Variants in DISP1 observed in about 807,000 individuals in gnomAD.
DISP1 encodes protein dispatched homolog 1.
Under a neutral mutation model 37.3 loss-of-function variants are expected in DISP1, and 30 were observed. That is an observed-to-expected ratio of 0.80 (90% CI 0.60 to 1.09). DISP1 has a LOEUF of 1.09. DISP1 is among the 50% of genes least tolerant of loss of function. The pLI is 0.00. For synonymous variants in DISP1, 634 were observed against 690.2 expected, an observed-to-expected ratio of 0.92 and a Z score of 1.28; for missense variants, 1,598 against 1,879.5, an observed-to-expected ratio of 0.85 and a Z score of 2.77.
chr1:222,943,107 G>C lies in DISP1; in HGVS notation c.284G>C (p.Ser95Thr). ...CPYHHPLTSHSSHQECHPEAG... is the reference protein window; with the variant it reads ...CPYHHPLTSHTSHQECHPEAG... ...TACCATCACCCTTTGACTAGCCATAGCAGTCACCAAGAGTGCCATCCCGAG... is the reference window on the plus strand; with the variant it reads ...TACCATCACCCTTTGACTAGCCATACCAGTCACCAAGAGTGCCATCCCGAG... Residue 95 changes from serine (S) to threonine (T), a missense_variant, in exon 3 of 9, where the codon AGC becomes ACC. Transcript: ENST00000675850. The C allele has an allele frequency of 6.2e-7, 1 of 1,614,118 alleles. No individual in the cohort carries two copies. The highest frequency in any genetic ancestry group is 8.5e-7 in the Non-Finnish European group (1 of 1,180,000).
At chr1:222,860,125 C>T (rs964328198) in intron 1 of DISP1, among the ~76,000 whole-genome samples, 3 of 152,188 alleles carry the variant, frequency 2.0e-5, no homozygotes, top group African/African-American at 7.2e-5. Context: ...GGCACGATCT[C>T]GGCTCACCAC....
chr1:222,993,068 G>T (rs1678819407), intron 7 of DISP1, among the ~76,000 whole-genome samples: 1 of 151,850 alleles, frequency 6.6e-6, no homozygotes, highest in Non-Finnish European at 1.5e-5. Context: ...CTCCATCCGT[G>T]TTGGTTAGGC....
chr1:222,979,440 AAAATT>A (rs143186996), intron 3 of DISP1, among the ~76,000 whole-genome samples: 41,799 of 151,840 alleles, frequency 0.28, 5,907 homozygotes, highest in South Asian at 0.33. Context: ...ATTTTTAAAT[AAAATT>A]AATTTATAGT....
chr1:222,854,157 A>G (rs1377036504), intron 1 of DISP1, among the ~76,000 whole-genome samples: 14 of 152,194 alleles, frequency 9.2e-5, no homozygotes. Context: ...TATTTTTTAT[A>G]ACTCTGTTTC....
At chr1:222,840,557 CTTTTTTTTT>C (rs71176702) in intron 1 of DISP1, among the ~76,000 whole-genome samples, 1 of 116,096 alleles carries the variant, frequency 8.6e-6, no homozygotes, top group African/African-American at 3.2e-5. Context: ...TACAGTATCT[CTTTTTTTTT>C]TTTTTTTTTT....
At chr1:222,923,833 G>C (rs542832074) in intron 1 of DISP1, among the ~76,000 whole-genome samples, 6 of 152,122 alleles carry the variant, frequency 3.9e-5, no homozygotes, top group Non-Finnish European at 8.8e-5. Context: ...AAAAAAAGAA[G>C]GGCAGGGAGA....
At position 223,003,474 on chromosome 1, in the gene DISP1, A is replaced by G. The variant is rs1196737438; in HGVS notation, c.2077A>G (p.Lys693Glu). The G allele has an allele frequency of 4.3e-6, 7 of 1,614,196 alleles. No homozygotes were observed. Among genetic ancestry groups the G allele is most frequent in the Admixed American group, 3.3e-5 (2 of 60,026 alleles). ...CWTVACQKCH[K>E]VLFAISEASR... is the part of the protein sequence containing the mutation. Reference sequence around the variant, plus strand: ...GACAGTGGCTTGCCAGAAGTGCCACAAAGTACTCTTTGCCATTTCAGAAGC... The same window carrying G: ...GACAGTGGCTTGCCAGAAGTGCCACGAAGTACTCTTTGCCATTTCAGAAGC... Residue 693 changes from lysine (K) to glutamate (E), a missense_variant, in exon 9 of 9, where the codon AAA (lysine) becomes GAA (glutamate). Physicochemically the swap from Lys to Glu is moderately conservative, Grantham distance 56 (BLOSUM62 1). Coordinates refer to ENST00000675850, the MANE Select transcript of DISP1 (RefSeq NM_001377229.1). This position sits in a 1 kb window ranked among gnomAD's most constrained non-coding sequence, Gnocchi z 4.3.
chr1:222,885,956 T>C (rs1670572033), intron 1 of DISP1, among the ~76,000 whole-genome samples: 1 of 152,086 alleles, frequency 6.6e-6, no homozygotes, highest in South Asian at 2.1e-4. Flanking sequence ...TAGAATTAAA[T>C]ATAAAAGCAT....
At chr1:222,965,268 T>G (rs1676394471) in intron 3 of DISP1, among the ~76,000 whole-genome samples, 1 of 152,210 alleles carries the variant, frequency 6.6e-6, no homozygotes, top group African/African-American at 2.4e-5. Flanking sequence ...TATGCCTACC[T>G]TATAGAATTA....
chr1:222,856,705 CG>C (rs1319335783), intron 1 of DISP1, among the ~76,000 whole-genome samples: 2 of 136,336 alleles, frequency 1.5e-5, no homozygotes, highest in Non-Finnish European at 3.2e-5. Context: ...TATTATAATT[CG>C]TTTTTTTTTT....
At chr1:222,846,372 T>G (rs1667899184) in intron 1 of DISP1, among the ~76,000 whole-genome samples, 1 of 152,134 alleles carries the variant, frequency 6.6e-6, no homozygotes, top group South Asian at 2.1e-4. Context: ...ATGCCTGTAA[T>G]CCCAGGTACT....
At chr1:222,995,892 A>G (rs1358771888) in intron 8 of DISP1, among the ~76,000 whole-genome samples, 1 of 152,210 alleles carries the variant, frequency 6.6e-6, no homozygotes, top group Non-Finnish European at 1.5e-5. Context: ...TTAATGAAAT[A>G]GGCAGTAGAA....
intron 1 of DISP1, among the ~76,000 whole-genome samples, chr1:222,838,817 T>C (rs1667412037): frequency 6.6e-6 from 1 of 152,226 alleles, no homozygotes; most frequent in Non-Finnish European, 1.5e-5. Flanking sequence ...TTTGTGAGCA[T>C]TCATTTTTAT....
At chr1:222,860,854 CAG>C (rs1668841532) in intron 1 of DISP1, among the ~76,000 whole-genome samples, 1 of 151,820 alleles carries the variant, frequency 6.6e-6, no homozygotes, top group Admixed American at 6.6e-5. Context: ...GCCTGGGAGA[CAG>C]AGTGAGACTT....
chr1:222,878,557 T>C (rs1217160354), intron 1 of DISP1, among the ~76,000 whole-genome samples: 1 of 152,216 alleles, frequency 6.6e-6, no homozygotes, highest in Admixed American at 6.5e-5. Context: ...ATTAAATACT[T>C]GTTGAGGGTT....
intron 2 of DISP1, 114 bp from the exon 3 acceptor site, chr1:222,942,693 C>A: frequency 8.1e-7 from 1 of 1,237,136 alleles, no homozygotes; most frequent in Non-Finnish European, 1.2e-6. Context: ...CACTGTCTCA[C>A]AACTCTGCAA....
rs760225936 is a variant in DISP1 at position 223,004,791 on chromosome 1, C to A, written c.3394C>A (p.Arg1132=). 34 of 1,612,568 alleles carry A rather than the reference C, an allele frequency of 2.1e-5. No homozygotes were observed. The highest frequency in any genetic ancestry group is 2.5e-5 in the Non-Finnish European group (30 of 1,180,024). Residue 1132 remains arginine, a synonymous_variant, in exon 9 of 9, where the codon CGG becomes AGG. Transcript: ENST00000675850. The surrounding 1 kb of genome is among the most constrained non-coding windows in gnomAD (Gnocchi z 4.9). Reference sequence around the variant, plus strand: ...CACCTTCTTTTTCCAGTGCATGTGCCGGTGCCTTGGACCACAGGGTACCTG... The same window carrying A: ...CACCTTCTTTTTCCAGTGCATGTGCAGGTGCCTTGGACCACAGGGTACCTG... ...FATFFFQCMC[R]CLGPQGTCGQ...
intron 3 of DISP1, among the ~76,000 whole-genome samples, chr1:222,949,254 TGTG>T (rs1239156507): frequency 1.3e-5 from 2 of 151,888 alleles, no homozygotes; most frequent in African/African-American, 4.8e-5. Flanking sequence ...ATTAGCCTGG[TGTG>T]GTGGTGCGCA....
intron 3 of DISP1, among the ~76,000 whole-genome samples, chr1:222,947,823 T>G (rs1475119194): frequency 2.0e-5 from 3 of 152,094 alleles, no homozygotes; most frequent in African/African-American, 7.2e-5. Flanking sequence ...TCGTTTGCAT[T>G]GTGGAGAGTA....
Sources: allele counts gnomAD v4.1 joint callset (sites outside exome capture counted in the v4.1 genomes callset), GRCh38; gene constraint gnomAD v4.1.1; non-coding constraint Gnocchi (gnomAD v3.1); transcripts MANE v1.5; gene names NCBI Gene and HGNC (gene_info 2026-07-23, HGNC 2026-07-21).